INPP4B: variants seen among roughly 807,000 people sequenced by gnomAD.
The protein encoded by INPP4B is inositol polyphosphate 4-phosphatase type II.
Under a neutral mutation model 122.5 loss-of-function variants are expected in INPP4B, and 55 were observed. The observed-to-expected ratio is 0.45, with a 90% confidence interval of 0.36 to 0.56. The LOEUF (loss-of-function observed/expected upper bound fraction) is 0.56, where lower values mean the gene tolerates loss of function less well. Ranked by LOEUF, INPP4B falls within the 20% of genes least tolerant of loss-of-function variation. The pLI, the probability that INPP4B is intolerant of heterozygous loss-of-function variation, is 0.00. For missense variants in INPP4B, 1,000 were observed against 1,097.7 expected, an observed-to-expected ratio of 0.91 and a Z score of 1.26; for synonymous variants, 403 against 388.7, an observed-to-expected ratio of 1.04 and a Z score of -0.43.
intron 12 of INPP4B, among the ~76,000 whole-genome samples, chr4:142,215,721 G>A (rs1032905245): frequency 4.0e-5 from 6 of 151,224 alleles, no homozygotes; most frequent in African/African-American, 7.3e-5. Flanking sequence ...GTGAATCCTC[G>A]TCTCTACTAA....
At chr4:142,550,525 T>C (rs1727709770) in intron 2 of INPP4B, among the ~76,000 whole-genome samples, 2 of 151,834 alleles carry the variant, frequency 1.3e-5, no homozygotes, top group South Asian at 4.2e-4. Context: ...GAATAGAAAT[T>C]CTTTTCAAGT....
chr4:142,557,392 C>T (rs9999924), intron 2 of INPP4B, among the ~76,000 whole-genome samples: 4,663 of 152,212 alleles, frequency 0.031, 233 homozygotes, highest in African/African-American at 0.11. Context: ...ACTTCAAAGA[C>T]CTGGAGAGAC....
chr4:142,201,937 A>G (rs1230901093), intron 14 of INPP4B, among the ~76,000 whole-genome samples: 2 of 152,054 alleles, frequency 1.3e-5, no homozygotes, highest in Admixed American at 6.6e-5. Flanking sequence ...GTGTAATAAA[A>G]GTCTTCAGAT....
chr4:142,780,702 G>A (rs1376519547), intron 1 of INPP4B, among the ~76,000 whole-genome samples: 1 of 152,102 alleles, frequency 6.6e-6, no homozygotes, highest in Non-Finnish European at 1.5e-5. Flanking sequence ...GGGAGGTTGA[G>A]GCAGAGAACT....
intron 2 of INPP4B, among the ~76,000 whole-genome samples, chr4:142,543,999 G>A (rs1024352256): frequency 1.3e-5 from 2 of 152,012 alleles, no homozygotes; most frequent in Non-Finnish European, 2.9e-5. Flanking sequence ...CAGAAGAAGT[G>A]GATTTTTATG....
At chr4:142,335,017 C>T (rs556513121) in intron 7 of INPP4B, among the ~76,000 whole-genome samples, 7 of 147,974 alleles carry the variant, frequency 4.7e-5, no homozygotes, top group African/African-American at 1.8e-4. Context: ...TGAAAGCCAG[C>T]TAGAATTCTG....
intron 25 of INPP4B, among the ~76,000 whole-genome samples, chr4:142,067,807 G>A (rs1764468495): frequency 6.6e-6 from 1 of 152,184 alleles, no homozygotes; most frequent in Admixed American, 6.5e-5. Flanking sequence ...AACGAACGAA[G>A]CCTCCAAGAA....
chr4:142,588,123 A>T (rs1736637232), intron 2 of INPP4B, among the ~76,000 whole-genome samples: 1 of 151,954 alleles, frequency 6.6e-6, no homozygotes, highest in Non-Finnish European at 1.5e-5. Flanking sequence ...TGTATTCAAA[A>T]TAAAAACTCT....
intron 11 of INPP4B, among the ~76,000 whole-genome samples, chr4:142,259,070 T>C (rs1388097132): frequency 6.6e-6 from 1 of 151,754 alleles, no homozygotes; most frequent in Admixed American, 6.6e-5. Flanking sequence ...TGCATGAAAT[T>C]GGAAATCATC....
At position 142,799,716 on chromosome 4, in the gene INPP4B, G is replaced by A. The variant is rs551064675; in HGVS notation, c.-254+46493C>T. Among the ~76,000 whole-genome samples, 17 of 151,880 alleles carry A rather than the reference G, an allele frequency of 1.1e-4. No individual in the cohort carries two copies. In the South Asian group the frequency reaches 2.9e-3, roughly 26 times the overall value. On this transcript the variant is annotated intron_variant, in intron 1 of 25. Coordinates refer to ENST00000262992, the MANE Select transcript of INPP4B (RefSeq NM_001101669.3). ...TTTCCCTGTATATACTATACATAGT[G>A]TGTTTTTAATAGTGCATCTAGTGTA...
At chr4:142,247,094 G>C (rs917536207) in intron 11 of INPP4B, among the ~76,000 whole-genome samples, 1 of 152,160 alleles carries the variant, frequency 6.6e-6, no homozygotes, top group African/African-American at 2.4e-5. Context: ...GATCGATTAT[G>C]TTTATTGATT....
chr4:142,584,778 G>C (rs1410873769), intron 2 of INPP4B, among the ~76,000 whole-genome samples: 1 of 151,972 alleles, frequency 6.6e-6, no homozygotes, highest in East Asian at 1.9e-4. Flanking sequence ...AAGTCAGTAA[G>C]TGCAGACCAT....
chr4:142,692,066 A>AT (rs540773611), intron 2 of INPP4B, among the ~76,000 whole-genome samples: 58 of 150,726 alleles, frequency 3.8e-4, no homozygotes, highest in Middle Eastern at 3.4e-3. Flanking sequence ...CCCACTAAAG[A>AT]TTTTTTTTTT....
intron 1 of INPP4B, among the ~76,000 whole-genome samples, chr4:142,779,430 G>A (rs1242668053): frequency 6.6e-6 from 1 of 151,992 alleles, no homozygotes; most frequent in Non-Finnish European, 1.5e-5. Flanking sequence ...ACCATCAAGA[G>A]TACAGACCAA....
At chr4:142,663,642 G>C (rs1755569577) in intron 2 of INPP4B, among the ~76,000 whole-genome samples, 1 of 151,880 alleles carries the variant, frequency 6.6e-6, no homozygotes, top group Non-Finnish European at 1.5e-5. Flanking sequence ...ATATATCCAA[G>C]CTGCTAAGTA....
intron 18 of INPP4B, among the ~76,000 whole-genome samples, chr4:142,133,193 C>A (rs1802196319): frequency 6.6e-6 from 1 of 152,138 alleles, no homozygotes; most frequent in African/African-American, 2.4e-5. Context: ...GTTATTTCCC[C>A]TTTCTCTGTA....
In INPP4B at chr4:142,712,171, G is replaced by A. The variant is rs188259469; in HGVS notation, c.-191+13668C>T. On this transcript the variant is annotated intron_variant, in intron 2 of 25. Coordinates refer to ENST00000262992, the MANE Select transcript of INPP4B (RefSeq NM_001101669.3). Reference sequence around the variant, plus strand: ...CTCACCAGACACCAAATCTGCTGGTGCCTTGATCTTGGACTTCCCAGCTTC... The same window carrying A: ...CTCACCAGACACCAAATCTGCTGGTACCTTGATCTTGGACTTCCCAGCTTC... Among the ~76,000 whole-genome samples, 105 of 152,326 alleles carry A rather than the reference G, an allele frequency of 6.9e-4. No individual in the cohort carries two copies. In the Middle Eastern group the frequency reaches 0.017, roughly 25 times the overall value.
At chr4:142,324,518 A>G (rs1771601269) in intron 7 of INPP4B, among the ~76,000 whole-genome samples, 1 of 152,006 alleles carries the variant, frequency 6.6e-6, no homozygotes, top group African/African-American at 2.4e-5. Flanking sequence ...TCTCTTTTGG[A>G]CTCCAAAACT....
chr4:142,440,752 T>C (rs1009551327), intron 3 of INPP4B, among the ~76,000 whole-genome samples: 1 of 152,178 alleles, frequency 6.6e-6, no homozygotes, highest in South Asian at 2.1e-4. Context: ...CATTTTATTG[T>C]GTATATTTAA....
Sources: allele counts gnomAD v4.1 joint callset (sites outside exome capture counted in the v4.1 genomes callset), GRCh38; gene constraint gnomAD v4.1.1; transcripts MANE v1.5; gene names NCBI Gene and HGNC (gene_info 2026-07-23, HGNC 2026-07-21).